The following GADL1 variants were observed in gnomAD, a reference collection of about 807,000 sequenced individuals.
GADL1 encodes acidic amino acid decarboxylase GADL1.
Under a neutral mutation model 69.5 loss-of-function variants are expected in GADL1, and 71 were observed. That is an observed-to-expected ratio of 1.02 (90% confidence interval 0.84 to 1.25). GADL1 has a LOEUF of 1.25. Ranked by LOEUF, GADL1 falls within the 50% of genes most tolerant of loss-of-function variation. The probability of loss-of-function intolerance (pLI) is 0.00; values close to 1 mark genes in which losing one functional copy is unlikely to be tolerated. For missense variants in GADL1, 737 were observed against 631.8 expected, an observed-to-expected ratio of 1.17 and a Z score of -1.79; for synonymous variants, 254 against 214.4, an observed-to-expected ratio of 1.18 and a Z score of -1.62.
intron 11 of GADL1, among the ~76,000 whole-genome samples, chr3:30,804,934 G>A (rs1697225809): frequency 1.3e-5 from 2 of 152,294 alleles, no homozygotes; most frequent in African/African-American, 4.8e-5. Context: ...TGGAGAATAT[G>A]GCTTTTAGGA....
At chr3:30,766,778 A>G (rs1053308605) in intron 14 of GADL1, among the ~76,000 whole-genome samples, 1 of 149,606 alleles carries the variant, frequency 6.7e-6, no homozygotes, top group South Asian at 2.1e-4. Flanking sequence ...AGCAGAGGAC[A>G]AGGTAAGAAG....
In GADL1 at chr3:30,853,885, A is replaced by AT. The variant is rs555490818; in HGVS notation, c.428+813dup. Among the ~76,000 whole-genome samples, 931 of 152,014 alleles carry AT rather than the reference A, an allele frequency of 6.1e-3. 3 individuals carry two copies. The highest frequency in any genetic ancestry group is 6.1e-3 in the Non-Finnish European group (416 of 67,960). ...CTCCAACCTATTTATATTTTTAGAG[A>AT]TTTTTTCAGTAAGAAAATGGCACCT... On this transcript the variant is annotated intron_variant, in intron 4 of 14. Coordinates refer to ENST00000282538, the MANE Select transcript of GADL1 (RefSeq NM_207359.3).
chr3:30,753,270 C>A (rs1465429885), intron 14 of GADL1, among the ~76,000 whole-genome samples: 1 of 152,092 alleles, frequency 6.6e-6, no homozygotes, highest in African/African-American at 2.4e-5. Flanking sequence ...ATGATCTATA[C>A]ACAATAGTAT....
intron 12 of GADL1, 191 bp downstream of exon 12, chr3:30,800,698 G>A: frequency 1.7e-6 from 1 of 599,618 alleles, no homozygotes; most frequent in Non-Finnish European, 3.0e-6. Flanking sequence ...CACTTAGTAG[G>A]TACTGAGAAA....
intron 1 of GADL1, among the ~76,000 whole-genome samples, chr3:30,864,078 T>TC (rs1218463093): frequency 6.6e-6 from 1 of 151,966 alleles, no homozygotes; most frequent in Admixed American, 6.6e-5. Flanking sequence ...GGGCCAAATA[T>TC]TGAAACCCTA....
chr3:30,763,487 G>A (rs1339065363), intron 14 of GADL1, among the ~76,000 whole-genome samples: 2 of 107,902 alleles, frequency 1.9e-5, no homozygotes, highest in Non-Finnish European at 3.7e-5. Flanking sequence ...GGGCGACAGA[G>A]CAAGACTCCG....
At chr3:30,817,033 A>G (rs902718193) in intron 11 of GADL1, among the ~76,000 whole-genome samples, 1 of 152,152 alleles carries the variant, frequency 6.6e-6, no homozygotes, top group African/African-American at 2.4e-5. Flanking sequence ...CCCATACCCC[A>G]GTGACCTAAA....
chr3:30,818,278 C>T (rs927328481), intron 11 of GADL1, among the ~76,000 whole-genome samples: 2 of 152,180 alleles, frequency 1.3e-5, no homozygotes, highest in Non-Finnish European at 2.9e-5. Flanking sequence ...CATATTTTAC[C>T]TGTCGTGAGA....
At chr3:30,823,172 T>A (rs1697620656) in intron 11 of GADL1, among the ~76,000 whole-genome samples, 1 of 151,838 alleles carries the variant, frequency 6.6e-6, no homozygotes, top group Admixed American at 6.6e-5. Flanking sequence ...GAAAGGGAAC[T>A]CAGGGAGGTA....
chr3:30,821,551 A>G (rs1343273676), intron 11 of GADL1, among the ~76,000 whole-genome samples: 3 of 152,152 alleles, frequency 2.0e-5, no homozygotes, highest in Middle Eastern at 3.4e-3. Context: ...GAAGTTAAAA[A>G]GAATCTTTGT....
intron 11 of GADL1, among the ~76,000 whole-genome samples, chr3:30,815,021 A>G (rs1697438398): frequency 6.6e-6 from 1 of 152,116 alleles, no homozygotes; most frequent in Admixed American, 6.5e-5. Flanking sequence ...CCTTTTACAC[A>G]GTAAATACTT....
At chr3:30,777,648 A>G (rs1242807665) in intron 14 of GADL1, among the ~76,000 whole-genome samples, 3 of 152,082 alleles carry the variant, frequency 2.0e-5, no homozygotes, top group Admixed American at 6.5e-5. Context: ...CATCAGCCCC[A>G]ACAGCTGTGT....
intron 4 of GADL1, among the ~76,000 whole-genome samples, chr3:30,852,141 G>C (rs770223237): frequency 2.7e-4 from 41 of 152,106 alleles, no homozygotes; most frequent in Non-Finnish European, 5.3e-4. Flanking sequence ...AGGCATAAAA[G>C]CTGGTCACCT....
intron 8 of GADL1, among the ~76,000 whole-genome samples, chr3:30,843,878 G>A (rs918269399): frequency 6.6e-6 from 1 of 152,184 alleles, no homozygotes; most frequent in Non-Finnish European, 1.5e-5. Context: ...AGAGGCTAGG[G>A]CCCTGCTGGA....
Position 30,764,580 on chromosome 3 carries a change from CGA to C in GADL1, c.1392+13597_1392+13598del, listed in dbSNP as rs1360830574. Among the ~76,000 whole-genome samples the C allele has an allele frequency of 2.0e-5, 3 of 152,080 alleles. No homozygotes were observed. The South Asian group carries it at 6.2e-4, about 31-fold the overall frequency. On this transcript the variant is annotated intron_variant, in intron 14 of 14. Coordinates refer to ENST00000282538, the MANE Select transcript of GADL1 (RefSeq NM_207359.3). ...GAGCATTTTATTAGAGGAAATCACT[CGA>C]GAAGCATGTCCCAAGCACCAAGAAC...
At chr3:30,887,791 T>TAA (rs1433324434) in intron 1 of GADL1, among the ~76,000 whole-genome samples, 1 of 152,146 alleles carries the variant, frequency 6.6e-6, no homozygotes, top group African/African-American at 2.4e-5. Flanking sequence ...ATCTATACAT[T>TAA]AAAAAGACAT....
intron 14 of GADL1, among the ~76,000 whole-genome samples, chr3:30,754,378 T>TG (rs1695912648): frequency 6.6e-6 from 1 of 151,858 alleles, no homozygotes; most frequent in Non-Finnish European, 1.5e-5. Flanking sequence ...AAGAATATGT[T>TG]GGGGCTACAT....
At chr3:30,889,084 T>TATAAAAAAAAAAAA (rs1698748582) in intron 1 of GADL1, among the ~76,000 whole-genome samples, 1 of 32,914 alleles carries the variant, frequency 3.0e-5, no homozygotes, top group Non-Finnish European at 6.7e-5. Context: ...CGGTAATCTA[T>TATAAAAAAAAAAAA]AAAAAAAAAA....
In GADL1 at chr3:30,785,795, A is replaced by G. The variant is rs566719625; in HGVS notation, c.1302+560T>C. On this transcript the variant is annotated intron_variant, in intron 13 of 14. Transcript: ENST00000282538. The stretch of plus-strand genomic sequence containing the variant: ...AAAATCTAAGAAGTTTGCAATTTAT[A>G]TTTCTTAAAAACCAGAATTACACAT... Among the ~76,000 whole-genome samples the G allele has an allele frequency of 2.0e-5, 3 of 150,596 alleles. No individual in the cohort carries two copies. The East Asian group carries it at 5.8e-4, about 29-fold the overall frequency.
Sources: allele counts gnomAD v4.1 joint callset (sites outside exome capture counted in the v4.1 genomes callset), GRCh38; gene constraint gnomAD v4.1.1; transcripts MANE v1.5; gene names NCBI Gene and HGNC (gene_info 2026-07-23, HGNC 2026-07-21).